Variants in UNC5D observed in about 807,000 individuals in gnomAD.
The protein encoded by UNC5D is unc-5 netrin receptor D.
UNC5D carries 39 observed loss-of-function variants against 105.4 expected under a neutral mutation model. The ratio of observed to expected loss-of-function variants is 0.37; its 90% CI spans 0.29 to 0.48. The LOEUF (loss-of-function observed/expected upper bound fraction) is 0.48, where lower values mean the gene tolerates loss of function less well. Among genes scored for constraint, UNC5D ranks in the 20% least tolerant of loss-of-function variants. The pLI is 0.98. For missense variants in UNC5D, 991 were observed against 1,202.4 expected (o/e 0.82, Z 2.60); for synonymous variants, 452 against 450.4 (o/e 1.00, Z -0.04).
intron 1 of UNC5D, among the ~76,000 whole-genome samples, chr8:35,537,289 A>G (rs1296782506): frequency 6.6e-6 from 1 of 152,206 alleles, no homozygotes; most frequent in Non-Finnish European, 1.5e-5. Context: ...ATAACTAACA[A>G]ATATCTCAGA....
chr8:35,624,218 C>T (rs1235328910), intron 4 of UNC5D, among the ~76,000 whole-genome samples: 1 of 152,194 alleles, frequency 6.6e-6, no homozygotes, highest in Non-Finnish European at 1.5e-5. Flanking sequence ...TCACATAACA[C>T]TAATGGATTA....
intron 1 of UNC5D, among the ~76,000 whole-genome samples, chr8:35,276,357 G>A (rs1805776960): frequency 6.6e-6 from 1 of 151,998 alleles, no homozygotes. Context: ...GGTTGAATTA[G>A]CACAGCTAAT....
At chr8:35,422,024 A>T (rs1799288245) in intron 1 of UNC5D, among the ~76,000 whole-genome samples, 1 of 152,224 alleles carries the variant, frequency 6.6e-6, no homozygotes, top group African/African-American at 2.4e-5. Context: ...AACAATTGTT[A>T]CATTTTGGCT....
chr8:35,344,864 G>A (rs752155586), intron 1 of UNC5D, among the ~76,000 whole-genome samples: 1 of 151,936 alleles, frequency 6.6e-6, no homozygotes, highest in Non-Finnish European at 1.5e-5. Flanking sequence ...AGAAGCACAC[G>A]TTTATAAAAT....
At chr8:35,621,335 T>C (rs1348725581) in intron 4 of UNC5D, among the ~76,000 whole-genome samples, 1 of 152,056 alleles carries the variant, frequency 6.6e-6, no homozygotes, top group Non-Finnish European at 1.5e-5. Flanking sequence ...GCCTCATCTC[T>C]CTCTATAACC....
At chr8:35,248,993 A>T (rs1329343435) in intron 1 of UNC5D, among the ~76,000 whole-genome samples, 39 of 79,918 alleles carry the variant, frequency 4.9e-4, no homozygotes, top group Non-Finnish European at 6.4e-4. Flanking sequence ...ATAATATATT[A>T]TATATAAACA....
At chr8:35,335,157 T>C (rs1810929353) in intron 1 of UNC5D, among the ~76,000 whole-genome samples, 2 of 152,248 alleles carry the variant, frequency 1.3e-5, no homozygotes, top group South Asian at 2.1e-4. Flanking sequence ...ATTGTATATG[T>C]ATGCAACAAT....
In UNC5D at chr8:35,403,185, C is replaced by A. The variant is rs577777083; in HGVS notation, c.104-146107C>A. 2.0e-5 allele frequency among the ~76,000 whole-genome samples: 3 copies of A among 152,334 alleles called. No individual in the cohort carries two copies. The South Asian group carries it at 6.2e-4, about 32-fold the overall frequency. On this transcript the variant is annotated intron_variant, in intron 1 of 16. Coordinates refer to ENST00000404895, the MANE Select transcript of UNC5D (RefSeq NM_080872.4). ...AGCATAGCTATTTGTAATGTTCTTACCTTTTGCTAAAGCTTGTTGGCCAGC... is the reference window on the plus strand; with the variant it reads ...AGCATAGCTATTTGTAATGTTCTTAACTTTTGCTAAAGCTTGTTGGCCAGC...
intron 1 of UNC5D, among the ~76,000 whole-genome samples, chr8:35,337,667 A>G (rs1214498755): frequency 2.0e-5 from 3 of 152,182 alleles, no homozygotes; most frequent in African/African-American, 4.8e-5. Flanking sequence ...TTTTCTCTCA[A>G]GCAAACTCAA....
At chr8:35,600,271 A>G (rs1420651058) in intron 4 of UNC5D, among the ~76,000 whole-genome samples, 1 of 152,184 alleles carries the variant, frequency 6.6e-6, no homozygotes, top group Non-Finnish European at 1.5e-5. Flanking sequence ...ATACGTGCAC[A>G]TGTGTCTTTA....
intron 1 of UNC5D, among the ~76,000 whole-genome samples, chr8:35,419,793 G>T (rs1029919853): frequency 1.3e-5 from 2 of 152,176 alleles, no homozygotes; most frequent in African/African-American, 2.4e-5. Flanking sequence ...CATTCAGCAG[G>T]CTCCAGGTTC....
intron 1 of UNC5D, among the ~76,000 whole-genome samples, chr8:35,366,082 A>G (rs747721236): frequency 6.6e-6 from 1 of 152,176 alleles, no homozygotes; most frequent in Non-Finnish European, 1.5e-5. Flanking sequence ...AGAGTGGGAA[A>G]GAGAGGAAAG....
At chr8:35,593,143 T>G (rs537314126) in intron 3 of UNC5D, among the ~76,000 whole-genome samples, 102 of 152,168 alleles carry the variant, frequency 6.7e-4, no homozygotes, top group African/African-American at 2.3e-3. Context: ...TACTTACCTA[T>G]TTTGCTGAGA....
chr8:35,258,572 G>A (rs914041165), intron 1 of UNC5D, among the ~76,000 whole-genome samples: 4 of 152,116 alleles, frequency 2.6e-5, no homozygotes, highest in African/African-American at 9.7e-5. Context: ...ACATCAGGGT[G>A]TTGTGAGGAT....
intron 1 of UNC5D, among the ~76,000 whole-genome samples, chr8:35,486,005 A>G (rs957850090): frequency 6.6e-6 from 1 of 151,992 alleles, no homozygotes; most frequent in Non-Finnish European, 1.5e-5. Context: ...CTAGCTGACT[A>G]TTTCCTAATG....
intron 2 of UNC5D, among the ~76,000 whole-genome samples, chr8:35,561,666 G>T (rs749831113): frequency 7.9e-5 from 12 of 152,014 alleles, no homozygotes; most frequent in Non-Finnish European, 1.6e-4. Flanking sequence ...TTTCCAAGCT[G>T]AAAAAAATCA....
chr8:35,279,255 C>T (rs570801647), intron 1 of UNC5D, among the ~76,000 whole-genome samples: 3 of 152,230 alleles, frequency 2.0e-5, no homozygotes, highest in East Asian at 3.9e-4. Context: ...ATCCTTCCTT[C>T]GGTGTTTCTG....
intron 4 of UNC5D, among the ~76,000 whole-genome samples, chr8:35,652,938 T>TG (rs1477952853): frequency 1.4e-5 from 2 of 144,674 alleles, no homozygotes; most frequent in African/African-American, 2.6e-5. Context: ...TTTTTTTTTT[T>TG]TTTTTTGAGA....
chr8:35,261,465 T>C (rs1255911598), intron 1 of UNC5D, among the ~76,000 whole-genome samples: 3 of 152,320 alleles, frequency 2.0e-5, no homozygotes, highest in Non-Finnish European at 4.4e-5. Context: ...CATTTAATAA[T>C]GATGAACAAT....
Sources: allele counts gnomAD v4.1 joint callset (sites outside exome capture counted in the v4.1 genomes callset), GRCh38; gene constraint gnomAD v4.1.1; transcripts MANE v1.5; gene names NCBI Gene and HGNC (gene_info 2026-07-23, HGNC 2026-07-21).